Variants in DHX38 observed in about 807,000 individuals in gnomAD.
The protein encoded by DHX38 is pre-mRNA-splicing factor ATP-dependent RNA helicase PRP16.
Under a neutral mutation model 153.1 loss-of-function variants are expected in DHX38, and 100 were observed. The ratio of observed to expected loss-of-function variants is 0.65; its 90% CI spans 0.56 to 0.77. The LOEUF is 0.77. Among genes scored for constraint, DHX38 ranks in the 30% least tolerant of loss-of-function variants. DHX38 has a pLI of 0.00. For missense variants in DHX38, 1,440 were observed against 1,654.0 expected, an observed-to-expected ratio of 0.87 and a Z score of 2.24; for synonymous variants, 650 against 631.7, an observed-to-expected ratio of 1.03 and a Z score of -0.43.
Position 72,112,736 on chromosome 16 carries a change from C to CG in DHX38, c.*242dup. ...AGTATCCGAGGTGCTGCCGGGGCAG[C>CG]GGGAGGTGGCTGGACCCATCGCATC... On this transcript the variant is annotated 3_prime_UTR_variant, in exon 27 of 27. Transcript: ENST00000268482. 1 of 704,598 alleles carries CG rather than the reference C, an allele frequency of 1.4e-6. No homozygotes were observed. Among genetic ancestry groups the CG allele is most frequent in the Non-Finnish European group, 2.6e-6 (1 of 386,624 alleles). The allele number at this position is 704,598 out of a possible 1,614,324, so 43.6% of individuals were successfully genotyped here.
chr16:72,094,881 T>C (rs113184737), intron 1 of DHX38, among the ~76,000 whole-genome samples: 8 of 152,402 alleles, frequency 5.2e-5, no homozygotes, highest in African/African-American at 1.9e-4. Flanking sequence ...TTTCCTAGTT[T>C]AGACAACTAT....
At position 72,105,254 on chromosome 16, in the gene DHX38, A is replaced by C. The variant is rs756701702; in HGVS notation, c.2285A>C (p.Glu762Ala). The change falls in exon 17 of 27, where the codon GAG (glutamate) becomes GCG (alanine). Residue 762 changes from glutamate (E) to alanine (A), a missense_variant. Transcript: ENST00000268482. ...CAGGTGACCTCAGACCAGATTGTGG[A>C]GCATCTGGAGGAACTGGAGAACGCG... ...DIEVTSDQIV[E>A]HLEELENAPA... 6.2e-7 allele frequency: 1 copy of C among 1,613,954 alleles called. No homozygotes were observed. The highest frequency in any genetic ancestry group is 8.5e-7 in the Non-Finnish European group (1 of 1,180,020).
chr16:72,110,259 T>C lies in DHX38; in HGVS notation c.3478-697T>C, dbSNP rs113981199. 5.9e-3 allele frequency among the ~76,000 whole-genome samples: 906 copies of C among 152,382 alleles called. 8 individuals are homozygous for C. Among genetic ancestry groups the C allele is most frequent in the Non-Finnish European group, 9.3e-3 (636 of 68,038 alleles). Reference sequence around the variant, plus strand: ...CACAGCGGTGTTTAACCTGTGCCTGTGTTTCGTGCACTTGCTGTAAGCTGG... The same window carrying C: ...CACAGCGGTGTTTAACCTGTGCCTGCGTTTCGTGCACTTGCTGTAAGCTGG... On this transcript the variant is annotated intron_variant, in intron 25 of 26. Transcript: ENST00000268482.
At position 72,112,616 on chromosome 16, in the gene DHX38, GC is replaced by G; in HGVS notation, c.*125del. On this transcript the variant is annotated 3_prime_UTR_variant, in exon 27 of 27. Coordinates refer to ENST00000268482, the MANE Select transcript of DHX38 (RefSeq NM_014003.4). The stretch of plus-strand genomic sequence containing the variant: ...AGGACTTTCATCTGTGCATATCACG[GC>G]CCCCCAGGGCAGTTCCTGCTGGACC... The G allele has an allele frequency of 9.3e-7, 1 of 1,071,670 alleles. No individual in the cohort carries two copies. The highest frequency in any genetic ancestry group is 1.4e-6 in the Non-Finnish European group (1 of 719,000). The allele number at this position is 1,071,670 out of a possible 1,614,324, so 66.4% of individuals were successfully genotyped here.
intron 25 of DHX38, among the ~76,000 whole-genome samples, chr16:72,110,296 A>G (rs770205913): frequency 3.3e-5 from 5 of 152,212 alleles, no homozygotes; most frequent in Non-Finnish European, 4.4e-5. Flanking sequence ...GATGAGTCCA[A>G]CCGCTCAATT....
Position 72,103,775 on chromosome 16 carries a change from A to C in DHX38, c.1811A>C (p.Asn604Thr). ...AKRVSEEMGG[N>T]LGEEVGYAIR... is the part of the protein sequence containing the mutation. The stretch of plus-strand genomic sequence containing the variant: ...AGAGTCAGTGAAGAGATGGGGGGAA[A>C]CCTTGGCGAGGAGGTGAGTGGGCGT... Residue 604 changes from asparagine (N) to threonine (T), a missense_variant, in exon 13 of 27, where the codon AAC (asparagine) becomes ACC (threonine). This residue lies in a region of DHX38 where 241 missense variants were observed against 229.5 expected (regional missense o/e 1.05). Transcript: ENST00000268482. 3 of 1,610,756 alleles carry C rather than the reference A, an allele frequency of 1.9e-6. No homozygotes were observed. The highest frequency in any genetic ancestry group is 2.5e-6 in the Non-Finnish European group (3 of 1,177,196).
chr16:72,110,746 T>G (rs1214388511), intron 25 of DHX38, among the ~76,000 whole-genome samples: 1 of 152,210 alleles, frequency 6.6e-6, no homozygotes, highest in African/African-American at 2.4e-5. Flanking sequence ...ATGACTGAGT[T>G]AGGACTGATT....
intron 5 of DHX38, 63 bp downstream of exon 5, chr16:72,098,855 G>A: frequency 6.2e-7 from 1 of 1,613,666 alleles, no homozygotes; most frequent in South Asian, 1.1e-5. Context: ...TCGGCAGGGA[G>A]AGCAGATGGT....
chr16:72,107,612 C>A lies in DHX38; in HGVS notation c.2810-33C>A. 1 of 1,610,824 alleles carries A rather than the reference C, an allele frequency of 6.2e-7. No individual in the cohort carries two copies. Among genetic ancestry groups the A allele is most frequent in the Non-Finnish European group, 8.5e-7 (1 of 1,177,192 alleles). The stretch of plus-strand genomic sequence containing the variant: ...GACTTCCTTCTTTCCTCTACTGTCC[C>A]GTCAAATATCCGGGTTTGCTCATCT... On this transcript the variant is annotated intron_variant, in intron 20 of 26. Coordinates refer to ENST00000268482, the MANE Select transcript of DHX38 (RefSeq NM_014003.4). This position sits in a 1 kb window ranked among gnomAD's most constrained non-coding sequence, Gnocchi z 5.3.
Position 72,112,641 on chromosome 16 carries a change from CCAGACTCTCTGG to C in DHX38, c.*149_*160del. ...GCCCCCCAGGGCAGTTCCTGCTGGA[CCAGACTCTCTGG>C]CAGAGGAGGTGGAGTTCTTCCATGC... is the stretch of plus-strand genomic sequence containing the variant. On this transcript the variant is annotated 3_prime_UTR_variant, in exon 27 of 27. Coordinates refer to ENST00000268482, the MANE Select transcript of DHX38 (RefSeq NM_014003.4). 3.4e-6 allele frequency: 3 copies of C among 871,122 alleles called. No individual in the cohort carries two copies. The highest frequency in any genetic ancestry group is 5.6e-6 in the Non-Finnish European group (3 of 538,330). The allele number at this position is 871,122 out of a possible 1,614,324, so 54.0% of individuals were successfully genotyped here.
intron 16 of DHX38, 26 bp from the exon 17 acceptor site, chr16:72,105,206 C>G: frequency 6.2e-7 from 1 of 1,613,962 alleles, no homozygotes; most frequent in East Asian, 2.2e-5. Context: ...GTTCCAGTGT[C>G]TCACAGCTCC....
intron 3 of DHX38, 182 bp downstream of exon 3, chr16:72,097,191 C>T (rs911007147): frequency 7.3e-5 from 43 of 586,910 alleles, no homozygotes; most frequent in Non-Finnish European, 9.4e-5. Context: ...GAGCTGTTGC[C>T]TGTAACATAG....
At chr16:72,097,550 C>A (rs368849056) in intron 3 of DHX38, 127 bp from the exon 4 acceptor site, 4 of 817,786 alleles carry the variant, frequency 4.9e-6, no homozygotes, top group Admixed American at 4.4e-5. Context: ...CAGGAGTCCA[C>A]GGATCACATT....
At chr16:72,096,505 C>A in intron 2 of DHX38, 25 bp downstream of exon 2, 1 of 1,574,034 alleles carries the variant, frequency 6.4e-7, no homozygotes, top group Non-Finnish European at 8.6e-7. Context: ...ATGGGTTAGC[C>A]CAGAGGGAAG....
At chr16:72,106,259 C>A in intron 19 of DHX38, 142 bp downstream of exon 19, 2 of 733,244 alleles carry the variant, frequency 2.7e-6, no homozygotes, top group Non-Finnish European at 4.5e-6. Flanking sequence ...CTTGTTAGTC[C>A]TTTCATCCTA....
rs575051451 is a variant in DHX38 at position 72,106,716 on chromosome 16, G to C, written c.2600+599G>C. 6.6e-5 allele frequency among the ~76,000 whole-genome samples: 10 copies of C among 152,276 alleles called. 1 individual carries two copies. In the South Asian group the frequency reaches 2.1e-3, roughly 32 times the overall value. On this transcript the variant is annotated intron_variant, in intron 19 of 26. Coordinates refer to ENST00000268482, the MANE Select transcript of DHX38 (RefSeq NM_014003.4). ...TTCTTCTGTCTTGGCCTCCCAAACT[G>C]TTGGCATTATAGGTGTGAGCCACTC...
intron 11 of DHX38, 150 bp from the exon 12 acceptor site, chr16:72,102,924 T>G: frequency 1.8e-6 from 2 of 1,118,342 alleles, no homozygotes; most frequent in South Asian, 1.5e-5. Flanking sequence ...CTGAGGTCGA[T>G]GAGAACCATC....
Position 72,112,528 on chromosome 16 carries a change from A to G in DHX38, c.*31A>G, listed in dbSNP as rs774236883. The stretch of plus-strand genomic sequence containing the variant: ...GGCTGTCCCCAGAGAGGATGGCAGC[A>G]GGTATTGGGTCCTCAGCCTTCTGGC... On this transcript the variant is annotated 3_prime_UTR_variant, in exon 27 of 27. Coordinates refer to ENST00000268482, the MANE Select transcript of DHX38 (RefSeq NM_014003.4). The G allele has an allele frequency of 1.2e-6, 2 of 1,609,256 alleles. No individual in the cohort carries two copies. Among genetic ancestry groups the G allele is most frequent in the African/African-American group, 2.7e-5 (2 of 74,918 alleles).
intron 11 of DHX38, 48 bp from the exon 12 acceptor site, chr16:72,103,026 A>C (rs747280944): frequency 2.5e-6 from 4 of 1,601,628 alleles, no homozygotes; most frequent in Non-Finnish European, 2.6e-6. Flanking sequence ...ATCAGGAAGG[A>C]CAGCATGGGG....
Sources: allele counts gnomAD v4.1 joint callset (sites outside exome capture counted in the v4.1 genomes callset), GRCh38; gene constraint gnomAD v4.1.1; regional missense constraint gnomAD v4.1.1; non-coding constraint Gnocchi (gnomAD v3.1); transcripts MANE v1.5; gene names NCBI Gene and HGNC (gene_info 2026-07-23, HGNC 2026-07-21).